Variants in CEP97 observed in about 807,000 individuals in gnomAD.
CEP97 encodes centrosomal protein of 97 kDa.
CEP97 carries 43 observed loss-of-function variants against 73.1 expected under a neutral mutation model. That is an observed-to-expected ratio of 0.59 (90% CI 0.46 to 0.76). The LOEUF is 0.76. CEP97 is among the 30% of genes least tolerant of loss of function. The pLI is 0.00. For synonymous variants in CEP97, 337 were observed against 370.0 expected (o/e 0.91, Z 1.02); for missense variants, 939 against 1,014.0 (o/e 0.93, Z 1.00).
rs746101473 is a variant in CEP97 at position 101,728,947 on chromosome 3, TTTTC to T, written c.447+14_447+17del. On this transcript the variant is annotated intron_variant, in intron 4 of 10. Coordinates refer to ENST00000341893, the MANE Select transcript of CEP97 (RefSeq NM_024548.4). The stretch of plus-strand genomic sequence containing the variant: ...ATTGGTATCCCTGAAAGTAAGTATG[TTTTC>T]TTTGTCATTTGTGAAGTTTTATAGC... 3.5e-5 allele frequency: 48 copies of T among 1,389,044 alleles called. No homozygotes were observed. The highest frequency in any genetic ancestry group is 5.3e-5 in the Admixed American group (3 of 56,504). The allele number at this position is 1,389,044 out of a possible 1,614,324, so 86.0% of individuals were successfully genotyped here.
In CEP97 at chr3:101,726,722, A is replaced by G. The variant is rs1937902622; in HGVS notation, c.172A>G (p.Lys58Glu). 2 of 1,605,318 alleles carry G rather than the reference A, an allele frequency of 1.2e-6. No homozygotes were observed. The highest frequency in any genetic ancestry group is 2.2e-5 in the South Asian group (2 of 90,140). Residue 58 changes from lysine (K) to glutamate (E), a missense_variant, in exon 2 of 11, where the codon AAA becomes GAA. Coordinates refer to ENST00000341893, the MANE Select transcript of CEP97 (RefSeq NM_024548.4). ...TAAATTGGAAAATCTGGAGAAATGC[A>G]AACGATTAATACAGGTAGGTATTGC... is the stretch of plus-strand genomic sequence containing the variant. Reference protein sequence around the residue: ...IIKLENLEKCKRLIQLSVANN... With the variant: ...IIKLENLEKCERLIQLSVANN...
intron 6 of CEP97, among the ~76,000 whole-genome samples, chr3:101,748,551 T>A (rs1016917633): frequency 6.6e-6 from 1 of 152,212 alleles, no homozygotes; most frequent in African/African-American, 2.4e-5. Flanking sequence ...ATGCCATTTG[T>A]TTGGCAGGAG....
At chr3:101,756,785 C>T (rs747871984) in intron 7 of CEP97, among the ~76,000 whole-genome samples, 1 of 152,110 alleles carries the variant, frequency 6.6e-6, no homozygotes, top group Admixed American at 6.6e-5. Context: ...TTGCCAGAAG[C>T]ATTTAATATT....
intron 9 of CEP97, chr3:101,758,900 G>C (rs1400761930): frequency 6.5e-6 from 1 of 155,020 alleles, no homozygotes; most frequent in Non-Finnish European, 1.4e-5. Context: ...GCTAGCCCAG[G>C]AAAGTTAGGA....
Position 101,764,941 on chromosome 3 carries a change from C to G in CEP97, c.1988C>G (p.Ser663Trp), listed in dbSNP as rs1229193519. The G allele has an allele frequency of 6.2e-6, 10 of 1,614,022 alleles. No individual in the cohort carries two copies. Among genetic ancestry groups the G allele is most frequent in the African/African-American group, 1.3e-5 (1 of 74,918 alleles). Reference sequence around the variant, plus strand: ...CCTATATCAAGTACTCTTGTGCCATCGAAACATCCATTATTTACCCAAAGC... The same window carrying G: ...CCTATATCAAGTACTCTTGTGCCATGGAAACATCCATTATTTACCCAAAGC... ...VPPISSTLVP[S>W]KHPLFTQSQE... is the part of the protein sequence containing the mutation. Residue 663 changes from serine to tryptophan, a missense_variant, in exon 11 of 11, where the codon TCG becomes TGG. Physicochemically the swap from Ser to Trp is radical, Grantham distance 177. Coordinates refer to ENST00000341893, the MANE Select transcript of CEP97 (RefSeq NM_024548.4).
Position 101,731,915 on chromosome 3 carries a change from C to A in CEP97, c.523C>A (p.Leu175Ile), listed in dbSNP as rs753847232. Residue 175 changes from leucine to isoleucine, a missense_variant, in exon 5 of 11, where the codon CTT becomes ATT. Transcript: ENST00000341893. ...PAYLPRSLAI[L>I]SLAENEIRDL... ...TTACCTACCCAGAAGTCTTGCTATACTTTCTTTGGCAGAAAATGAAATCCG... is the reference window on the plus strand; with the variant it reads ...TTACCTACCCAGAAGTCTTGCTATAATTTCTTTGGCAGAAAATGAAATCCG... 2.0e-5 allele frequency: 32 copies of A among 1,608,936 alleles called. 1 individual carries two copies. In the East Asian group the frequency reaches 7.1e-4, roughly 36 times the overall value.
chr3:101,733,778 C>T (rs1313770449), intron 6 of CEP97, among the ~76,000 whole-genome samples: 1 of 152,158 alleles, frequency 6.6e-6, no homozygotes, highest in Admixed American at 6.5e-5. Flanking sequence ...GATCCACCCG[C>T]CTCGGCCTCC....
At chr3:101,737,664 C>A (rs1938320394) in intron 6 of CEP97, among the ~76,000 whole-genome samples, 1 of 152,166 alleles carries the variant, frequency 6.6e-6, no homozygotes, top group Admixed American at 6.5e-5. Context: ...ACCACCAGGC[C>A]TGCCTTACAA....
At position 101,727,429 on chromosome 3, in the gene CEP97, A is replaced by G; in HGVS notation, c.233A>G (p.Lys78Arg). The G allele has an allele frequency of 6.2e-7, 1 of 1,613,996 alleles. No homozygotes were observed. The highest frequency in any genetic ancestry group is 1.3e-5 in the African/African-American group (1 of 75,054). ...CTGGTTCGGATGATGGGTGTGGCCA[A>G]GCTGACGTTGCTTCGTGTATTAAAT... The part of the protein sequence containing the change: ...NRLVRMMGVA[K>R]LTLLRVLNLP... Residue 78 changes from lysine to arginine, a missense_variant, in exon 3 of 11, where the codon AAG becomes AGG. By Grantham distance (26) the Lys-to-Arg change is conservative (BLOSUM62 2). Transcript: ENST00000341893.
intron 9 of CEP97, among the ~76,000 whole-genome samples, chr3:101,761,863 G>A (rs1182131125): frequency 6.6e-6 from 1 of 152,186 alleles, no homozygotes; most frequent in Non-Finnish European, 1.5e-5. Flanking sequence ...GGAGCCTTAG[G>A]TTTGTGATAG....
chr3:101,753,726 C>T (rs1352779666), intron 6 of CEP97, among the ~76,000 whole-genome samples: 2 of 152,214 alleles, frequency 1.3e-5, no homozygotes, highest in Non-Finnish European at 2.9e-5. Context: ...GATATAATCT[C>T]CTGGTGCACC....
intron 6 of CEP97, among the ~76,000 whole-genome samples, chr3:101,744,131 G>A (rs1032148824): frequency 6.6e-5 from 10 of 151,994 alleles, no homozygotes; most frequent in South Asian, 6.2e-4. Flanking sequence ...GAAGCTAAAT[G>A]TACATATATA....
chr3:101,738,793 A>G (rs573073282), intron 6 of CEP97, among the ~76,000 whole-genome samples: 6 of 152,306 alleles, frequency 3.9e-5, no homozygotes, highest in African/African-American at 1.2e-4. Context: ...GGAAGAACAA[A>G]CAAATTCAAA....
intron 6 of CEP97, among the ~76,000 whole-genome samples, chr3:101,745,056 C>T (rs76138351): frequency 0.049 from 7,458 of 152,204 alleles, 648 homozygotes; most frequent in African/African-American, 0.17. Context: ...TTAAGCGTAC[C>T]TGTGGAGAGA....
chr3:101,756,055 T>C (rs1472834991), intron 7 of CEP97, among the ~76,000 whole-genome samples: 2 of 151,780 alleles, frequency 1.3e-5, no homozygotes, highest in African/African-American at 2.4e-5. Flanking sequence ...TTTTAAAAAA[T>C]ATATTTGTTC....
intron 1 of CEP97, 123 bp downstream of exon 1, chr3:101,724,842 G>A: frequency 9.6e-7 from 1 of 1,040,712 alleles, no homozygotes; most frequent in Non-Finnish European, 1.4e-6. Flanking sequence ...CGGATCTGTG[G>A]TCGTCGCGGA....
intron 9 of CEP97, among the ~76,000 whole-genome samples, chr3:101,762,260 G>T (rs1333222149): frequency 6.6e-6 from 1 of 152,074 alleles, no homozygotes; most frequent in Non-Finnish European, 1.5e-5. Flanking sequence ...TTGAGTCACA[G>T]TTCAAAATTA....
chr3:101,737,057 A>G (rs1288252252), intron 6 of CEP97, among the ~76,000 whole-genome samples: 1 of 152,232 alleles, frequency 6.6e-6, no homozygotes, highest in Non-Finnish European at 1.5e-5. Flanking sequence ...ACAAGTATCA[A>G]TAGTCGATTT....
At chr3:101,741,763 TG>T (rs1189514250) in intron 6 of CEP97, among the ~76,000 whole-genome samples, 2 of 151,988 alleles carry the variant, frequency 1.3e-5, no homozygotes, top group Non-Finnish European at 2.9e-5. Flanking sequence ...GGAAACAGGC[TG>T]GGCATGGTGG....
Sources: allele counts gnomAD v4.1 joint callset (sites outside exome capture counted in the v4.1 genomes callset), GRCh38; gene constraint gnomAD v4.1.1; transcripts MANE v1.5; gene names NCBI Gene and HGNC (gene_info 2026-07-23, HGNC 2026-07-21).